ZNF30: variants seen among roughly 807,000 people sequenced by gnomAD.
ZNF30 encodes the protein zinc finger protein 30, also known as zinc finger protein 30 (KOX 28).
ZNF30 carries 15 observed loss-of-function variants against 13.2 expected under a neutral mutation model. That is an observed-to-expected ratio of 1.13 (90% confidence interval 0.76 to 1.75). ZNF30 has a LOEUF of 1.75. ZNF30 is among the 40% of genes most tolerant of loss of function. The pLI is 0.00. For synonymous variants in ZNF30, 223 were observed against 256.6 expected, an observed-to-expected ratio of 0.87 and a Z score of 1.25; for missense variants, 726 against 757.0, an observed-to-expected ratio of 0.96 and a Z score of 0.48.
chr19:34,931,832 G>T lies in ZNF30; in HGVS notation c.10-11G>T. 3 of 1,606,174 alleles carry T rather than the reference G, an allele frequency of 1.9e-6. No homozygotes were observed. The highest frequency in any genetic ancestry group is 1.1e-5 in the South Asian group (1 of 89,364). Reference sequence around the variant, plus strand: ...CTTTCACCTTGAAAGCATTTTCTTTGATTTTACCAGAAATATGTGGGTTTG... The same window carrying T: ...CTTTCACCTTGAAAGCATTTTCTTTTATTTTACCAGAAATATGTGGGTTTG... On this transcript the variant is annotated splice_polypyrimidine_tract_variant and intron_variant, in intron 2 of 4. Coordinates refer to ENST00000601142, the MANE Select transcript of ZNF30 (RefSeq NM_194325.3).
At chr19:34,942,884 A>C (rs1324363156) in intron 4 of ZNF30, among the ~76,000 whole-genome samples, 1 of 152,202 alleles carries the variant, frequency 6.6e-6, no homozygotes, top group African/African-American at 2.4e-5. Context: ...TGCATCAGAA[A>C]CATTTGTTAG....
At chr19:34,935,015 G>A (rs1310321633) in intron 4 of ZNF30, among the ~76,000 whole-genome samples, 1 of 152,082 alleles carries the variant, frequency 6.6e-6, no homozygotes, top group Non-Finnish European at 1.5e-5. Context: ...GGATCAGGAG[G>A]TCAGGAGATC....
At chr19:34,925,853 G>C (rs1006160832), upstream of ZNF30, among the ~76,000 whole-genome samples, 1 of 151,656 alleles carries the variant, frequency 6.6e-6, no homozygotes, top group African/African-American at 2.4e-5. Flanking sequence ...ACTGACTCCA[G>C]GAATCACTGT....
rs1202737346 is a variant in ZNF30 at position 34,927,229 on chromosome 19, T to A, written c.-65+13T>A. 3 of 379,424 alleles carry A rather than the reference T, an allele frequency of 7.9e-6. No individual in the cohort carries two copies. The highest frequency in any genetic ancestry group is 1.4e-5 in the Non-Finnish European group (3 of 214,558). The allele number at this position is 379,424 out of a possible 1,614,324, so 23.5% of individuals were successfully genotyped here. On this transcript the variant is annotated intron_variant, in intron 1 of 4. Transcript: ENST00000601142. ...GACTGAGACATGCGTGAGCGTTGGGTGGACCGGGCGAGGATCCCGGGCCGG... is the reference window on the plus strand; with the variant it reads ...GACTGAGACATGCGTGAGCGTTGGGAGGACCGGGCGAGGATCCCGGGCCGG...
chr19:34,924,811 T>C (rs1289033549), upstream of ZNF30, among the ~76,000 whole-genome samples: 1 of 152,210 alleles, frequency 6.6e-6, no homozygotes, highest in Non-Finnish European at 1.5e-5. Context: ...GCCTATATGG[T>C]GAACTTACAG....
chr19:34,925,793 C>G (rs2012049362), upstream of ZNF30, among the ~76,000 whole-genome samples: 1 of 152,076 alleles, frequency 6.6e-6, no homozygotes, highest in African/African-American at 2.4e-5. Flanking sequence ...CCCGCCCTTC[C>G]CTCCCCAGCA....
chr19:34,932,781 CTTT>C (rs201053147), intron 3 of ZNF30, among the ~76,000 whole-genome samples: 7 of 135,418 alleles, frequency 5.2e-5, no homozygotes, highest in Non-Finnish European at 6.4e-5. Flanking sequence ...GTCATACTTT[CTTT>C]TTTTTTTTTT....
At position 34,944,596 on chromosome 19, in the gene ZNF30, A is replaced by C. The variant is rs868270044; in HGVS notation, c.1630A>C (p.Lys544Gln). ...HTGEKPYECN[K>Q]CGKAFTVYGQ... ...TGGGGAGAAACCCTATGAATGTAACAAATGTGGGAAAGCCTTTACTGTTTA... is the reference window on the plus strand; with the variant it reads ...TGGGGAGAAACCCTATGAATGTAACCAATGTGGGAAAGCCTTTACTGTTTA... The change falls in exon 5 of 5, where the codon AAA becomes CAA. Residue 544 changes from lysine to glutamine, a missense_variant. Transcript: ENST00000601142. 1.2e-6 allele frequency: 2 copies of C among 1,613,964 alleles called. No individual in the cohort carries two copies. The highest frequency in any genetic ancestry group is 3.3e-5 in the Admixed American group (2 of 59,978).
intron 4 of ZNF30, among the ~76,000 whole-genome samples, chr19:34,939,177 C>T (rs1600228321): frequency 7.5e-6 from 1 of 133,802 alleles, no homozygotes; most frequent in Middle Eastern, 3.9e-3. Flanking sequence ...CCGCTCCCCT[C>T]CCTCCCCTAT....
At position 34,944,206 on chromosome 19, in the gene ZNF30, T is replaced by C; in HGVS notation, c.1240T>C (p.Tyr414His). Residue 414 changes from tyrosine (Y) to histidine (H), a missense_variant, in exon 5 of 5, where the codon TAC (tyrosine) becomes CAC (histidine). By Grantham distance (83) the Tyr-to-His change is moderately conservative (BLOSUM62 2). Transcript: ENST00000601142. ...ECGKAFSTGS[Y>H]LVQHQRIHTG... is the part of the protein sequence containing the mutation. Reference sequence around the variant, plus strand: ...TGGCAAGGCCTTTAGTACTGGCTCATACCTTGTTCAGCATCAGAGGATCCA... The same window carrying C: ...TGGCAAGGCCTTTAGTACTGGCTCACACCTTGTTCAGCATCAGAGGATCCA... 3 of 1,613,832 alleles carry C rather than the reference T, an allele frequency of 1.9e-6. No individual in the cohort carries two copies. Among genetic ancestry groups the C allele is most frequent in the South Asian group, 1.1e-5 (1 of 91,052 alleles).
intron 2 of ZNF30, 22 bp from the exon 3 acceptor site, chr19:34,931,821 G>C (rs771547758): frequency 6.2e-7 from 1 of 1,604,698 alleles, no homozygotes; most frequent in Non-Finnish European, 8.5e-7. Flanking sequence ...CACCTTGAAA[G>C]CATTTTCTTT....
In ZNF30 at chr19:34,929,937, A is replaced by G. The variant is rs2546001; in HGVS notation, c.-11A>G. On this transcript the variant is annotated 5_prime_UTR_variant, in exon 2 of 5. Coordinates refer to ENST00000601142, the MANE Select transcript of ZNF30 (RefSeq NM_194325.3). ...CAGTGAAGACTGATCAGTTCTTACA[A>G]TTCTCAAAGCATGGCCCATGTAAGT... 0.48 allele frequency: 766,414 copies of G among 1,600,190 alleles called. 192,576 individuals carry two copies. The highest frequency in any genetic ancestry group is 0.9 in the African/African-American group (67,570 of 74,784).
chr19:34,928,234 TATATATATATATATATATATAGATAG>T (rs2012210993), intron 1 of ZNF30, among the ~76,000 whole-genome samples: 2 of 69,154 alleles, frequency 2.9e-5, no homozygotes, highest in South Asian at 5.3e-4. Flanking sequence ...TATATATATA[TATATATATATATATATATATAGATAG>T]ATAGATAGAT....
chr19:34,924,332 CT>C (rs1424280334), upstream of ZNF30, among the ~76,000 whole-genome samples: 1 of 151,994 alleles, frequency 6.6e-6, no homozygotes, highest in African/African-American at 2.4e-5. Flanking sequence ...AAGTATTCTA[CT>C]AATCTATTTT....
chr19:34,944,299 G>A lies in ZNF30; in HGVS notation c.1333G>A (p.Val445Ile), dbSNP rs757397217. 18 of 1,613,394 alleles carry A rather than the reference G, an allele frequency of 1.1e-5. No homozygotes were observed. The highest frequency in any genetic ancestry group is 4.4e-5 in the South Asian group (4 of 91,044). Residue 445 changes from valine to isoleucine, a missense_variant, in exon 5 of 5, where the codon GTA (valine) becomes ATA (isoleucine). Physicochemically the swap from Val to Ile is conservative, Grantham distance 29. Coordinates refer to ENST00000601142, the MANE Select transcript of ZNF30 (RefSeq NM_194325.3). ...CTTTATTAGTCGCCATCAGCTTACC[G>A]TACATCAAAGGGTTCATACTGGAGA... ...KAFISRHQLTVHQRVHTGEKP... is the reference protein window; with the variant it reads ...KAFISRHQLTIHQRVHTGEKP...
intron 4 of ZNF30, among the ~76,000 whole-genome samples, chr19:34,935,700 G>GTTTT (rs142285130): frequency 1.2e-5 from 1 of 84,220 alleles, no homozygotes; most frequent in African/African-American, 5.2e-5. Flanking sequence ...GTTGTCTATA[G>GTTTT]TTTTTTTTTT....
At position 34,944,886 on chromosome 19, in the gene ZNF30, T is replaced by C. The variant is rs2013264039; in HGVS notation, c.*48T>C. On this transcript the variant is annotated 3_prime_UTR_variant, in exon 5 of 5. Transcript: ENST00000601142. ...GCTTCGTGTGTGGCTCAAACATTGTTGAACATCGGGGAATTTATGCTGGTA... is the reference window on the plus strand; with the variant it reads ...GCTTCGTGTGTGGCTCAAACATTGTCGAACATCGGGGAATTTATGCTGGTA... 1.3e-6 allele frequency: 2 copies of C among 1,489,846 alleles called. No homozygotes were observed. Among genetic ancestry groups the C allele is most frequent in the African/African-American group, 2.8e-5 (2 of 71,778 alleles). 92.3% of individuals were successfully genotyped at this position (1,489,846 alleles called of 1,614,324 possible).
intron 4 of ZNF30, among the ~76,000 whole-genome samples, chr19:34,940,603 G>T (rs778799586): frequency 6.8e-6 from 1 of 147,314 alleles, no homozygotes. Flanking sequence ...AAGAGGCAGA[G>T]GTTGCAGTGA....
chr19:34,931,159 T>C (rs1433568194), intron 2 of ZNF30, among the ~76,000 whole-genome samples: 5 of 151,810 alleles, frequency 3.3e-5, no homozygotes, highest in African/African-American at 1.2e-4. Flanking sequence ...TGCCTCAGCT[T>C]CCCAAGTAGC....
Sources: allele counts gnomAD v4.1 joint callset (sites outside exome capture counted in the v4.1 genomes callset), GRCh38; gene constraint gnomAD v4.1.1; transcripts MANE v1.5; gene names NCBI Gene and HGNC (gene_info 2026-07-23, HGNC 2026-07-21).